USP10: variants seen among roughly 807,000 people sequenced by gnomAD.
USP10 encodes the protein ubiquitin carboxyl-terminal hydrolase 10.
A neutral mutation model predicts 84.5 loss-of-function variants in USP10; 22 were observed. The ratio of observed to expected loss-of-function variants is 0.26; its 90% confidence interval spans 0.19 to 0.37. The LOEUF (loss-of-function observed/expected upper bound fraction) is 0.37. USP10 is among the 10% of genes least tolerant of loss of function. The probability of loss-of-function intolerance (pLI) is 1.00; values close to 1 mark genes in which losing one functional copy is unlikely to be tolerated. For missense variants in USP10, 1,019 were observed against 998.9 expected (o/e 1.02, Z -0.27); for synonymous variants, 454 against 387.6 (o/e 1.17, Z -2.01).
At chr16:84,736,782 C>T (rs763420937) in intron 2 of USP10, among the ~76,000 whole-genome samples, 1 of 151,978 alleles carries the variant, frequency 6.6e-6, no homozygotes, top group Non-Finnish European at 1.5e-5. Flanking sequence ...AGAGACAGTT[C>T]TTAATTTGGT....
chr16:84,778,808 G>C (rs1215279628), intron 13 of USP10, 87 bp from the exon 14 acceptor site: 3 of 1,309,706 alleles, frequency 2.3e-6, no homozygotes, highest in Non-Finnish European at 3.2e-6. Flanking sequence ...CACATAGGAT[G>C]CATCCCTGGA....
chr16:84,747,026 A>T (rs998302641), intron 4 of USP10, among the ~76,000 whole-genome samples: 1 of 152,238 alleles, frequency 6.6e-6, no homozygotes, highest in African/African-American at 2.4e-5. Context: ...GGTCAGGAGC[A>T]TCAAGACGCC....
chr16:84,758,310 CT>C (rs1912819669), intron 4 of USP10, among the ~76,000 whole-genome samples: 1 of 152,132 alleles, frequency 6.6e-6, no homozygotes, highest in African/African-American at 2.4e-5. Context: ...TGCAAGATAT[CT>C]TTCTATCTAG....
chr16:84,712,322 A>G (rs1354177655), intron 1 of USP10, among the ~76,000 whole-genome samples: 4 of 152,162 alleles, frequency 2.6e-5, no homozygotes, highest in Non-Finnish European at 5.9e-5. Context: ...TGCCTTATGC[A>G]GAGGCCAACA....
At chr16:84,765,861 C>T (rs148463489) in intron 10 of USP10, among the ~76,000 whole-genome samples, 2 of 152,266 alleles carry the variant, frequency 1.3e-5, no homozygotes, top group East Asian at 1.9e-4. Context: ...CAAAGTCCTT[C>T]GGAAAGGTTT....
At chr16:84,736,305 A>G (rs2150806851) in intron 2 of USP10, among the ~76,000 whole-genome samples, 1 of 152,346 alleles carries the variant, frequency 6.6e-6, no homozygotes, top group South Asian at 2.1e-4. Context: ...AAAAACCAAA[A>G]TTAAGAAATG....
At chr16:84,701,091 C>T (rs1904807018) in intron 1 of USP10, among the ~76,000 whole-genome samples, 1 of 152,156 alleles carries the variant, frequency 6.6e-6, no homozygotes, top group East Asian at 1.9e-4. Flanking sequence ...AGTAGCCATT[C>T]GGGAAACTGA....
At chr16:84,758,549 G>A (rs1037904861) in intron 4 of USP10, among the ~76,000 whole-genome samples, 167 bp from the exon 5 acceptor site, 3 of 152,196 alleles carry the variant, frequency 2.0e-5, no homozygotes, top group African/African-American at 4.8e-5. Flanking sequence ...ATTGAATAAT[G>A]TACTTGATGT....
At chr16:84,740,167 C>A in intron 2 of USP10, 142 bp from the exon 3 acceptor site, 1 of 633,320 alleles carries the variant, frequency 1.6e-6, no homozygotes, top group Non-Finnish European at 2.7e-6. Flanking sequence ...ACTGACTCTT[C>A]ATGTATGTTA....
At chr16:84,733,915 G>A (rs1909564936) in intron 2 of USP10, among the ~76,000 whole-genome samples, 1 of 152,102 alleles carries the variant, frequency 6.6e-6, no homozygotes, top group African/African-American at 2.4e-5. Context: ...TCAGTTTGTC[G>A]TTTATTTTAA....
intron 1 of USP10, among the ~76,000 whole-genome samples, chr16:84,728,831 C>A (rs1908850728): frequency 6.6e-6 from 1 of 152,030 alleles, no homozygotes; most frequent in Non-Finnish European, 1.5e-5. Context: ...CGGAGTCTTC[C>A]TCTGTCATTC....
At chr16:84,754,314 GAAT>G (rs1912270119) in intron 4 of USP10, among the ~76,000 whole-genome samples, 1 of 152,066 alleles carries the variant, frequency 6.6e-6, no homozygotes, top group Admixed American at 6.5e-5. Flanking sequence ...TACAGTAACA[GAAT>G]AATCATTAAG....
At chr16:84,765,232 C>T (rs529446119) in intron 10 of USP10, among the ~76,000 whole-genome samples, 7 of 137,570 alleles carry the variant, frequency 5.1e-5, no homozygotes, top group South Asian at 2.6e-4. Context: ...AGCAGATAAA[C>T]ATATTCCCCA....
chr16:84,775,909 T>C (rs1247330098), intron 13 of USP10, among the ~76,000 whole-genome samples: 1 of 152,064 alleles, frequency 6.6e-6, no homozygotes, highest in African/African-American at 2.4e-5. Flanking sequence ...TCTGAGTCTT[T>C]ACCTCTTTGG....
At chr16:84,713,666 T>C (rs1479311571) in intron 1 of USP10, among the ~76,000 whole-genome samples, 1 of 152,328 alleles carries the variant, frequency 6.6e-6, no homozygotes, top group South Asian at 2.1e-4. Flanking sequence ...AGTGGACATA[T>C]TCAGAAGCCC....
At chr16:84,737,186 TC>T (rs1910047386) in intron 2 of USP10, among the ~76,000 whole-genome samples, 1 of 152,220 alleles carries the variant, frequency 6.6e-6, no homozygotes, top group South Asian at 2.1e-4. Flanking sequence ...GAGGGAGACT[TC>T]AGAACATGAC....
At chr16:84,714,941 T>A (rs916844220) in intron 1 of USP10, among the ~76,000 whole-genome samples, 3 of 149,892 alleles carry the variant, frequency 2.0e-5, no homozygotes, top group Non-Finnish European at 3.0e-5. Context: ...TATTATTTTT[T>A]TTTTTTGAGA....
intron 4 of USP10, among the ~76,000 whole-genome samples, chr16:84,749,273 C>G (rs1024641180): frequency 1.3e-5 from 2 of 152,212 alleles, no homozygotes; most frequent in Non-Finnish European, 2.9e-5. Flanking sequence ...AGTGGGCACA[C>G]TTTTAAGTGT....
rs572294266 is a variant in USP10, at chr16:84,741,222, G to C, written c.151+853G>C. On this transcript the variant is annotated intron_variant, in intron 3 of 13. Transcript: ENST00000219473. ...AACGTTTTATCTCCAGTAACATCAGGGAGTGATTATATCTAAAATTTTAGA... is the reference window on the plus strand; with the variant it reads ...AACGTTTTATCTCCAGTAACATCAGCGAGTGATTATATCTAAAATTTTAGA... 3.3e-4 allele frequency among the ~76,000 whole-genome samples: 51 copies of C among 152,292 alleles called. 1 individual carries two copies. The highest frequency in any genetic ancestry group is 1.9e-3 in the South Asian group (9 of 4,826).
Sources: gnomAD v4.1 joint callset for allele counts (sites outside exome capture counted in the v4.1 genomes callset) on GRCh38, gnomAD v4.1.1 for gene constraint, MANE v1.5 for transcripts, NCBI Gene and HGNC (gene_info 2026-07-23, HGNC 2026-07-21) for gene names.